The following IREB2 variants were observed in gnomAD, a reference collection of about 807,000 sequenced individuals.
IREB2 encodes iron-responsive element-binding protein 2.
A neutral mutation model predicts 118.8 loss-of-function variants in IREB2; 39 were observed. That is an observed-to-expected ratio of 0.33 (90% CI 0.25 to 0.43). IREB2 has a LOEUF of 0.43. IREB2 is among the 20% of genes least tolerant of loss of function. The probability of loss-of-function intolerance (pLI) is 1.00; values close to 1 mark genes in which losing one functional copy is unlikely to be tolerated. For missense variants in IREB2, 900 were observed against 1,147.3 expected (o/e 0.78, Z 3.11); for synonymous variants, 372 against 392.2 (o/e 0.95, Z 0.61).
chr15:78,465,254 A>G lies in IREB2; in HGVS notation c.276A>G (p.Gly92=). Reference sequence around the variant, plus strand: ...TTGACCATTCTTTATTTTTTAGTGGAATACCAGCAATGGTGGATTTTGCTG... The same window carrying G: ...TTGACCATTCTTTATTTTTTAGTGGGATACCAGCAATGGTGGATTTTGCTG... ...PARVLLQDFT[G]IPAMVDFAAM... Residue 92 remains glycine (G), a synonymous_variant, in exon 4 of 22, where the codon GGA becomes GGG. Coordinates refer to ENST00000258886, the MANE Select transcript of IREB2 (RefSeq NM_004136.4). 6.2e-7 allele frequency: 1 copy of G among 1,605,162 alleles called. No individual in the cohort carries two copies. Among genetic ancestry groups the G allele is most frequent in the Non-Finnish European group, 8.5e-7 (1 of 1,176,694 alleles).
intron 5 of IREB2, among the ~76,000 whole-genome samples, chr15:78,469,712 G>A (rs972844036): frequency 1.3e-5 from 2 of 151,508 alleles, no homozygotes; most frequent in Non-Finnish European, 2.9e-5. Flanking sequence ...CAACAAGAGC[G>A]AAACTCCGTC....
At chr15:78,452,515 G>A (rs77291732) in intron 2 of IREB2, among the ~76,000 whole-genome samples, 2,702 of 152,270 alleles carry the variant, frequency 0.018, 104 homozygotes, top group African/African-American at 0.062. Context: ...AAGAAAAAAA[G>A]TGAGTCTCAA....
At chr15:78,484,738 T>C in intron 11 of IREB2, 23 bp from the exon 12 acceptor site, 2 of 1,586,336 alleles carry the variant, frequency 1.3e-6, no homozygotes, top group African/African-American at 1.3e-5. Flanking sequence ...ATTTAGTTTA[T>C]ATTTTTGTGG....
intron 14 of IREB2, 66 bp from the exon 15 acceptor site, chr15:78,488,114 G>T: frequency 6.9e-7 from 1 of 1,455,252 alleles, no homozygotes; most frequent in Non-Finnish European, 9.3e-7. Context: ...GCTTATATAT[G>T]ATTATCCAGA....
intron 2 of IREB2, among the ~76,000 whole-genome samples, chr15:78,443,544 C>T (rs2050878801): frequency 6.6e-6 from 1 of 152,162 alleles, no homozygotes; most frequent in Non-Finnish European, 1.5e-5. Context: ...TGGAAGTGGG[C>T]ACATCTTAGA....
At chr15:78,478,181 C>T in intron 9 of IREB2, 116 bp from the exon 10 acceptor site, 1 of 646,726 alleles carries the variant, frequency 1.5e-6, no homozygotes, top group Non-Finnish European at 2.7e-6. Context: ...TTGCAGTGAG[C>T]TGTGATTGCA....
In IREB2 at chr15:78,439,012, G is replaced by C. The variant is rs185277151; in HGVS notation, c.19+656G>C. On this transcript the variant is annotated intron_variant, in intron 1 of 21. Transcript: ENST00000258886. ...GGATGAAAGCCTTAACAATGTTGAGGGTCCTGGCCACCCACCGCTATGAGT... is the reference window on the plus strand; with the variant it reads ...GGATGAAAGCCTTAACAATGTTGAGCGTCCTGGCCACCCACCGCTATGAGT... 2.0e-5 allele frequency among the ~76,000 whole-genome samples: 3 copies of C among 152,160 alleles called. No individual in the cohort carries two copies. In the East Asian group the frequency reaches 5.8e-4, roughly 29 times the overall value.
At position 78,438,294 on chromosome 15, in the gene IREB2, C is replaced by A; in HGVS notation, c.-44C>A. ...TTCCCTGCCCGGCCTCCCCCTTCTT[C>A]CCCCGCTGGCCCCCTCCCCGGAGGG... On this transcript the variant is annotated 5_prime_UTR_variant, in exon 1 of 22. Transcript: ENST00000258886. 2 of 1,536,344 alleles carry A rather than the reference C, an allele frequency of 1.3e-6. No homozygotes were observed. Among genetic ancestry groups the A allele is most frequent in the Middle Eastern group, 1.7e-4 (1 of 5,924 alleles).
At position 78,500,665 on chromosome 15, in the gene IREB2, A is replaced by C. The variant is rs2051928199; in HGVS notation, c.*2522A>C. 1 of 152,186 alleles carries C rather than the reference A, an allele frequency of 6.6e-6. No homozygotes were observed. The highest frequency in any genetic ancestry group is 6.5e-5 in the Admixed American group (1 of 15,274). 9.4% of individuals were successfully genotyped at this position (152,186 alleles called of 1,614,324 possible). The stretch of plus-strand genomic sequence containing the variant: ...AGGGTTTTTTTTATACTTTGAAAAC[A>C]TTATGCTACATATCATTGCCATTTT... On this transcript the variant is annotated 3_prime_UTR_variant, in exon 22 of 22. Coordinates refer to ENST00000258886, the MANE Select transcript of IREB2 (RefSeq NM_004136.4).
intron 5 of IREB2, among the ~76,000 whole-genome samples, chr15:78,468,385 A>G (rs1306756772): frequency 6.6e-6 from 1 of 151,952 alleles, no homozygotes; most frequent in African/African-American, 2.4e-5. Flanking sequence ...CTGGGACTAC[A>G]GGCACACACT....
In IREB2 at chr15:78,442,695, G is replaced by A. The variant is rs567474281; in HGVS notation, c.106+2814G>A. On this transcript the variant is annotated intron_variant, in intron 2 of 21. Transcript: ENST00000258886. ...GTTTATTTTTCTAACATAACGAAGT[G>A]TGGAGATTGGCAGACTGGGGCTGTG... is the stretch of plus-strand genomic sequence containing the variant. 8.3e-4 allele frequency among the ~76,000 whole-genome samples: 127 copies of A among 152,328 alleles called. No homozygotes were observed. In the South Asian group the frequency reaches 0.011, roughly 13 times the overall value.
chr15:78,465,916 G>C (rs1443061911), intron 4 of IREB2, among the ~76,000 whole-genome samples: 1 of 152,162 alleles, frequency 6.6e-6, no homozygotes, highest in Non-Finnish European at 1.5e-5. Flanking sequence ...TATAGCCCAT[G>C]AGAGAGGTTT....
intron 16 of IREB2, 143 bp from the exon 17 acceptor site, chr15:78,490,279 T>A (rs1420840677): frequency 3.8e-6 from 2 of 532,860 alleles, no homozygotes; most frequent in Non-Finnish European, 3.4e-6. Context: ...ACTCTTAATT[T>A]TCTTTCCAAA....
chr15:78,468,364 C>T (rs2051320119), intron 5 of IREB2, among the ~76,000 whole-genome samples: 1 of 152,072 alleles, frequency 6.6e-6, no homozygotes, highest in South Asian at 2.1e-4. Flanking sequence ...CTGCCTCAGC[C>T]TCCAGAGTAG....
At position 78,453,722 on chromosome 15, in the gene IREB2, A is replaced by G. The variant is rs151004592; in HGVS notation, c.107-9200A>G. Among the ~76,000 whole-genome samples the G allele has an allele frequency of 8.0e-3, 1,226 of 152,300 alleles. 20 individuals are homozygous for G. The highest frequency in any genetic ancestry group is 0.028 in the African/African-American group (1,157 of 41,538). ...TGAGAGGTAGGAACTGTTAGTTTCTATTTATCAGTGAGGTAGGAAACGGGG... is the reference window on the plus strand; with the variant it reads ...TGAGAGGTAGGAACTGTTAGTTTCTGTTTATCAGTGAGGTAGGAAACGGGG... On this transcript the variant is annotated intron_variant, in intron 2 of 21. Transcript: ENST00000258886.
chr15:78,464,942 A>G (rs2051256463), intron 3 of IREB2, among the ~76,000 whole-genome samples: 1 of 152,162 alleles, frequency 6.6e-6, no homozygotes, highest in Admixed American at 6.5e-5. Context: ...GGAACTAGGG[A>G]AAGGGGAAGG....
intron 1 of IREB2, chr15:78,438,557 C>A: frequency 1.7e-6 from 1 of 604,046 alleles, no homozygotes; most frequent in Admixed American, 2.9e-5. Context: ...TCCCCACCCT[C>A]CTGCGCGACA....
chr15:78,455,103 A>T (rs759748130), intron 2 of IREB2, among the ~76,000 whole-genome samples: 1 of 152,140 alleles, frequency 6.6e-6, no homozygotes, highest in Non-Finnish European at 1.5e-5. Context: ...TTCTTGGGCA[A>T]ATGGGGTAAA....
intron 20 of IREB2, among the ~76,000 whole-genome samples, chr15:78,495,523 T>C (rs1312932088): frequency 1.3e-5 from 2 of 152,174 alleles, no homozygotes; most frequent in Non-Finnish European, 2.9e-5. Flanking sequence ...CTATATGTCA[T>C]TATCTGTATT....
Sources: gnomAD v4.1 joint callset for allele counts (sites outside exome capture counted in the v4.1 genomes callset) on GRCh38, gnomAD v4.1.1 for gene constraint, MANE v1.5 for transcripts, NCBI Gene and HGNC (gene_info 2026-07-23, HGNC 2026-07-21) for gene names.